CHLSN: variants seen among roughly 807,000 people sequenced by gnomAD.
CHLSN encodes the protein protein cholesin.
the CHLSN span, chr7:1,059,354 G>C: frequency 6.5e-6 from 1 of 153,556 alleles, no homozygotes; most frequent in Non-Finnish European, 1.5e-5. Context: ...GGGAGGGCCA[G>C]GGTGGAACCT....
chr7:982,924 C>T, the CHLSN span, among the ~76,000 whole-genome samples: 1 of 152,222 alleles, frequency 6.6e-6, no homozygotes, highest in Admixed American at 6.5e-5. Context: ...AGGGGCAGAA[C>T]AGTCCACGTG....
chr7:1,005,455 C>T, the CHLSN span, among the ~76,000 whole-genome samples: 13 of 152,238 alleles, frequency 8.5e-5, no homozygotes, highest in Non-Finnish European at 1.8e-4. Flanking sequence ...GGTGAGCTGA[C>T]GACCCAATGC....
chr7:1,054,175 G>A, the CHLSN span, among the ~76,000 whole-genome samples: 1 of 152,240 alleles, frequency 6.6e-6, no homozygotes, highest in Non-Finnish European at 1.5e-5. Context: ...TCCAGGTAAT[G>A]CCTGGTAAAA....
chr7:1,087,355 A>G, the CHLSN span: 4 of 152,096 alleles, frequency 2.6e-5, no homozygotes, highest in South Asian at 8.3e-4. Context: ...TGGGACCGGA[A>G]GAGTTTCGGA....
the CHLSN span, among the ~76,000 whole-genome samples, chr7:1,122,764 G>C: frequency 6.6e-6 from 1 of 152,216 alleles, no homozygotes; most frequent in Non-Finnish European, 1.5e-5. Context: ...GCTCCCCGGG[G>C]AGGGCTTAGC....
the CHLSN span, among the ~76,000 whole-genome samples, chr7:1,008,650 T>C: frequency 6.6e-6 from 1 of 152,144 alleles, no homozygotes; most frequent in Non-Finnish European, 1.5e-5. Context: ...CCCCATTTCC[T>C]GAGCCCGGCG....
At chr7:1,094,736 C>T in the CHLSN span, among the ~76,000 whole-genome samples, 1 of 151,842 alleles carries the variant, frequency 6.6e-6, no homozygotes, top group African/African-American at 2.4e-5. Context: ...CCCAGTAAAA[C>T]CTCTCTCCTC....
chr7:1,022,685 G>A, the CHLSN span, among the ~76,000 whole-genome samples: 2 of 151,988 alleles, frequency 1.3e-5, no homozygotes, highest in African/African-American at 4.8e-5. Context: ...AAACACACAG[G>A]GGATTAATTT....
At chr7:1,040,399 G>A in the CHLSN span, among the ~76,000 whole-genome samples, 1 of 152,108 alleles carries the variant, frequency 6.6e-6, no homozygotes, top group African/African-American at 2.4e-5. Flanking sequence ...GGAGGCTGAG[G>A]AGTGAGGATT....
the CHLSN span, among the ~76,000 whole-genome samples, chr7:1,061,518 C>G: frequency 1.3e-5 from 2 of 152,206 alleles, no homozygotes; most frequent in African/African-American, 2.4e-5. Context: ...CCGCCAGTCT[C>G]TGTGGCTGCT....
At chr7:1,028,339 G>A in the CHLSN span, 14 of 1,018,836 alleles carry the variant, frequency 1.4e-5, no homozygotes, top group Non-Finnish European at 3.5e-6. Flanking sequence ...CCCGGCCCGC[G>A]CCTCCAGCAG....
chr7:1,052,894 G>A, the CHLSN span, among the ~76,000 whole-genome samples: 56 of 152,256 alleles, frequency 3.7e-4, 1 homozygote, highest in East Asian at 8.7e-3. This position sits in a 1 kb window ranked among gnomAD's most constrained non-coding sequence, Gnocchi z 4.2. Flanking sequence ...TTTCATCGCC[G>A]CCACAACAAA....
the CHLSN span, among the ~76,000 whole-genome samples, chr7:1,073,204 AC>A: frequency 1.6e-4 from 23 of 144,922 alleles, no homozygotes; most frequent in African/African-American, 5.1e-4. Flanking sequence ...CTGCAGCTTC[AC>A]ACACAGGAAC....
the CHLSN span, among the ~76,000 whole-genome samples, chr7:1,034,619 AATTTT>A: frequency 1.3e-5 from 2 of 152,142 alleles, no homozygotes; most frequent in African/African-American, 4.8e-5. Flanking sequence ...ATTTTTTCAA[AATTTT>A]ATTTTAGGTT....
the CHLSN span, among the ~76,000 whole-genome samples, chr7:1,122,655 GA>G: frequency 2.4e-3 from 372 of 152,284 alleles, 1 homozygote; most frequent in African/African-American, 8.4e-3. Flanking sequence ...CCTCCCGAAG[GA>G]CATGTGTCAT....
chr7:1,099,839 C>A, the CHLSN span, among the ~76,000 whole-genome samples: 10 of 152,228 alleles, frequency 6.6e-5, no homozygotes, highest in Non-Finnish European at 1.5e-4. Context: ...TTGCTCAGAA[C>A]TCCAGAGGAC....
At chr7:997,241 C>T in the CHLSN span, 4 of 172,798 alleles carry the variant, frequency 2.3e-5, no homozygotes, top group South Asian at 1.8e-4. Flanking sequence ...TTGCAGCTGG[C>T]GGGAGGAGCC....
At chr7:1,011,452 CACAG>C in the CHLSN span, among the ~76,000 whole-genome samples, 69 of 149,820 alleles carry the variant, frequency 4.6e-4, no homozygotes, top group African/African-American at 1.6e-3. Flanking sequence ...CAAACACGCC[CACAG>C]ACACCCAGAC....
At chr7:1,015,566 A>C in the CHLSN span, among the ~76,000 whole-genome samples, 1 of 151,628 alleles carries the variant, frequency 6.6e-6, no homozygotes, top group Non-Finnish European at 1.5e-5. Context: ...CCTTCACCTA[A>C]GAAAGGAGGG....
Sources: allele counts gnomAD v4.1 joint callset (sites outside exome capture counted in the v4.1 genomes callset), GRCh38; gene constraint gnomAD v4.1.1; non-coding constraint Gnocchi (gnomAD v3.1); transcripts MANE v1.5; gene names NCBI Gene and HGNC (gene_info 2026-07-23, HGNC 2026-07-21).